DENND1B: variants seen among roughly 807,000 people sequenced by gnomAD.
The protein encoded by DENND1B is DENN domain-containing protein 1B.
A neutral mutation model predicts 90.1 loss-of-function variants in DENND1B; 59 were observed. The ratio of observed to expected loss-of-function variants is 0.65; its 90% CI spans 0.53 to 0.81. DENND1B has a LOEUF of 0.81. Among genes scored for constraint, DENND1B ranks in the 40% least tolerant of loss-of-function variants. DENND1B has a pLI of 0.00. For missense variants in DENND1B, 862 were observed against 912.6 expected (o/e 0.94, Z 0.71); for synonymous variants, 337 against 324.6 (o/e 1.04, Z -0.41).
intron 7 of DENND1B, 134 bp downstream of exon 7, chr1:197,652,101 A>G: frequency 1.5e-6 from 1 of 658,280 alleles, no homozygotes; most frequent in Non-Finnish European, 2.7e-6. Flanking sequence ...TCACCTTGTT[A>G]TGTTAGTACT....
intron 15 of DENND1B, among the ~76,000 whole-genome samples, chr1:197,570,632 T>C (rs766697718): frequency 6.6e-6 from 1 of 152,202 alleles, no homozygotes; most frequent in African/African-American, 2.4e-5. Context: ...TTATACACTT[T>C]AGTGAATGTA....
intron 3 of DENND1B, among the ~76,000 whole-genome samples, chr1:197,683,523 G>A (rs986513917): frequency 6.6e-6 from 1 of 152,224 alleles, no homozygotes; most frequent in South Asian, 2.1e-4. Context: ...ATACAGAGGA[G>A]TAAAAACGGA....
intron 19 of DENND1B, among the ~76,000 whole-genome samples, 165 bp from the exon 20 acceptor site, chr1:197,540,236 CA>C (rs1670236922): frequency 1.3e-5 from 2 of 151,708 alleles, no homozygotes; most frequent in African/African-American, 4.8e-5. Flanking sequence ...TTTCTATAAT[CA>C]AAATTAATAA....
At chr1:197,769,984 G>A (rs917583555) in intron 2 of DENND1B, among the ~76,000 whole-genome samples, 8 of 151,848 alleles carry the variant, frequency 5.3e-5, no homozygotes, top group South Asian at 4.2e-4. Context: ...CCCTCTTATA[G>A]TTATTGATTT....
At chr1:197,728,916 T>C (rs537563197) in intron 2 of DENND1B, among the ~76,000 whole-genome samples, 1 of 152,246 alleles carries the variant, frequency 6.6e-6, no homozygotes, top group South Asian at 2.1e-4. Flanking sequence ...CCATCCTACC[T>C]ATCTAAATGT....
intron 10 of DENND1B, among the ~76,000 whole-genome samples, chr1:197,623,790 G>A (rs1372982707): frequency 6.6e-6 from 1 of 151,268 alleles, no homozygotes; most frequent in Non-Finnish European, 1.5e-5. Context: ...TCACACTCTA[G>A]GATAAAACAA....
At chr1:197,564,491 T>C (rs1410689708) in intron 15 of DENND1B, among the ~76,000 whole-genome samples, 2 of 142,588 alleles carry the variant, frequency 1.4e-5, no homozygotes, top group African/African-American at 5.1e-5. Context: ...TTAAGGTATG[T>C]ACATTTTTTA....
chr1:197,641,821 T>A (rs1216985343), intron 10 of DENND1B, among the ~76,000 whole-genome samples: 3 of 152,116 alleles, frequency 2.0e-5, no homozygotes, highest in Non-Finnish European at 2.9e-5. Context: ...ATCCTGAAAC[T>A]CCTTCTACTT....
chr1:197,538,571 G>T (rs537753536), intron 20 of DENND1B, among the ~76,000 whole-genome samples: 14 of 150,372 alleles, frequency 9.3e-5, no homozygotes, highest in African/African-American at 3.4e-4. Flanking sequence ...TGAAAGCAGA[G>T]AATTTTTGTG....
Position 197,581,213 on chromosome 1 carries a change from A to G in DENND1B, c.1149+1939T>C, listed in dbSNP as rs115870637. Among the ~76,000 whole-genome samples, 903 of 152,128 alleles carry G rather than the reference A, an allele frequency of 5.9e-3. 13 individuals are homozygous for G. The highest frequency in any genetic ancestry group is 0.02 in the African/African-American group (840 of 41,520). On this transcript the variant is annotated intron_variant, in intron 15 of 22. Transcript: ENST00000620048. Reference sequence around the variant, plus strand: ...GACTCTTCTTTTAGAAGTTTGTGAAACTCTGTCAACGAGAATCTTTTCAAT... The same window carrying G: ...GACTCTTCTTTTAGAAGTTTGTGAAGCTCTGTCAACGAGAATCTTTTCAAT...
chr1:197,580,399 A>T (rs906972983), intron 15 of DENND1B, among the ~76,000 whole-genome samples: 5 of 150,572 alleles, frequency 3.3e-5, no homozygotes, highest in Non-Finnish European at 3.0e-5. Context: ...GGATCTAATA[A>T]TTTTCTCCTG....
intron 15 of DENND1B, among the ~76,000 whole-genome samples, chr1:197,582,802 TAC>T (rs973360048): frequency 6.5e-5 from 8 of 122,932 alleles, no homozygotes; most frequent in African/African-American, 2.0e-4. Flanking sequence ...CCTATCAAAA[TAC>T]AGTTTGTTAG....
At chr1:197,597,388 A>G (rs1675800744) in intron 13 of DENND1B, among the ~76,000 whole-genome samples, 1 of 151,642 alleles carries the variant, frequency 6.6e-6, no homozygotes. Flanking sequence ...AAGTATTATT[A>G]TATATAAATA....
At chr1:197,707,616 TATATA>T (rs67732627) in intron 3 of DENND1B, among the ~76,000 whole-genome samples, 4,898 of 147,192 alleles carry the variant, frequency 0.033, 103 homozygotes, top group Middle Eastern at 0.096. Context: ...TATATATACA[TATATA>T]ATATAATACA....
chr1:197,752,533 A>G lies in DENND1B; in HGVS notation c.82+20335T>C, dbSNP rs550568667. On this transcript the variant is annotated intron_variant, in intron 2 of 22. Coordinates refer to ENST00000620048, the MANE Select transcript of DENND1B (RefSeq NM_001195215.2). ...TACATTGAAGATGTAATTGTAATAA[A>G]GCAATTTTATCAGAAATATATTGAA... 2.0e-5 allele frequency among the ~76,000 whole-genome samples: 3 copies of G among 152,172 alleles called. No individual in the cohort carries two copies. The South Asian group carries it at 6.2e-4, about 32-fold the overall frequency.
intron 13 of DENND1B, among the ~76,000 whole-genome samples, chr1:197,598,522 T>C (rs1675912532): frequency 6.6e-6 from 1 of 151,740 alleles, no homozygotes; most frequent in Non-Finnish European, 1.5e-5. Context: ...AATGATGGGG[T>C]CTGTCCTGTA....
Position 197,551,646 on chromosome 1 carries a change from C to G in DENND1B, c.1240+1376G>C, listed in dbSNP as rs116795345. On this transcript the variant is annotated intron_variant, in intron 16 of 22. Transcript: ENST00000620048. ...CTGTACAAAAGGATCATAGTTCTAG[C>G]CTCTTATTGTCACAAAATGTCATCT... Among the ~76,000 whole-genome samples the G allele has an allele frequency of 5.7e-3, 864 of 152,176 alleles. 11 individuals carry two copies. Among genetic ancestry groups the G allele is most frequent in the African/African-American group, 0.019 (807 of 41,536 alleles).
At position 197,509,357 on chromosome 1, in the gene DENND1B, A is replaced by T. The variant is rs1667874836; in HGVS notation, c.*1103T>A. The T allele has an allele frequency of 6.6e-6, 1 of 151,804 alleles. No individual in the cohort carries two copies. Among genetic ancestry groups the T allele is most frequent in the Non-Finnish European group, 1.5e-5 (1 of 67,852 alleles). 9.4% of individuals were successfully genotyped at this position (151,804 alleles called of 1,614,324 possible). ...AACTCAATATAGTGTGGTATTCTGA[A>T]TAGGATCTTGATGTGGAAAATGGAT... On this transcript the variant is annotated 3_prime_UTR_variant, in exon 23 of 23. Transcript: ENST00000620048.
intron 10 of DENND1B, among the ~76,000 whole-genome samples, chr1:197,623,721 AG>A (rs1376575761): frequency 6.6e-6 from 1 of 151,514 alleles, no homozygotes; most frequent in Non-Finnish European, 1.5e-5. Context: ...ACATTGTTAC[AG>A]TCAATGAACC....
Sources: gnomAD v4.1 joint callset for allele counts (sites outside exome capture counted in the v4.1 genomes callset) on GRCh38, gnomAD v4.1.1 for gene constraint, MANE v1.5 for transcripts, NCBI Gene and HGNC (gene_info 2026-07-23, HGNC 2026-07-21) for gene names.